Variants in SP4 observed in about 807,000 individuals in gnomAD.
The protein encoded by SP4 is Sp4 transcription factor.
In SP4, 19 loss-of-function variants were observed where a neutral mutation model predicts 72.8. That is an observed-to-expected ratio of 0.26 (90% CI 0.18 to 0.38). The LOEUF (loss-of-function observed/expected upper bound fraction) is 0.38. Among genes scored for constraint, SP4 ranks in the 10% least tolerant of loss-of-function variants. The pLI, the probability that SP4 is intolerant of heterozygous loss-of-function variation, is 1.00. For missense variants in SP4, 1,008 were observed against 926.3 expected, an observed-to-expected ratio of 1.09 and a Z score of -1.14; for synonymous variants, 395 against 333.1, an observed-to-expected ratio of 1.19 and a Z score of -2.02.
intron 5 of SP4, among the ~76,000 whole-genome samples, chr7:21,491,546 C>G (rs1245501232): frequency 6.6e-6 from 1 of 152,096 alleles, no homozygotes; most frequent in African/African-American, 2.4e-5. Context: ...ATAATAGGTT[C>G]AGGAAGTTCG....
rs751392063 is a variant in SP4, at chr7:21,430,090, A to G, written c.925A>G (p.Thr309Ala). The G allele has an allele frequency of 2.4e-5, 38 of 1,614,020 alleles. No homozygotes were observed. Among genetic ancestry groups the G allele is most frequent in the Non-Finnish European group, 2.8e-5 (33 of 1,180,052 alleles). Reference sequence around the variant, plus strand: ...AGTTTCCACACCCACCAACACCACTACTTCTGCCAGTACTATGCCAGAATC... The same window carrying G: ...AGTTTCCACACCCACCAACACCACTGCTTCTGCCAGTACTATGCCAGAATC... ...QLVSTPTNTT[T>A]SASTMPESPS... Residue 309 changes from threonine to alanine, a missense_variant, in exon 3 of 6, where the codon ACT becomes GCT. This residue lies in a region of SP4 where 893 missense variants were observed against 743.3 expected (regional missense o/e 1.20). Coordinates refer to ENST00000222584, the MANE Select transcript of SP4 (RefSeq NM_003112.5).
chr7:21,447,410 C>G (rs929426159), intron 3 of SP4, among the ~76,000 whole-genome samples: 5 of 152,070 alleles, frequency 3.3e-5, no homozygotes, highest in Non-Finnish European at 4.4e-5. Flanking sequence ...TTAGTGTGCC[C>G]CAGGGACAGT....
At chr7:21,487,067 T>C (rs1034543813) in intron 5 of SP4, among the ~76,000 whole-genome samples, 27 of 152,346 alleles carry the variant, frequency 1.8e-4, no homozygotes, top group African/African-American at 6.5e-4. Flanking sequence ...ATGCAATCAT[T>C]TATTTACATT....
At chr7:21,428,815 A>C (rs971653184) in intron 2 of SP4, 23 bp downstream of exon 2, 13 of 1,531,642 alleles carry the variant, frequency 8.5e-6, no homozygotes, top group Middle Eastern at 1.7e-4. Context: ...AAATTAAAAA[A>C]ATTCATCACG....
intron 3 of SP4, among the ~76,000 whole-genome samples, chr7:21,473,596 A>G (rs996728164): frequency 1.1e-4 from 16 of 152,232 alleles, no homozygotes; most frequent in African/African-American, 3.4e-4. Context: ...AAACTAGGTG[A>G]TGATACAGTG....
chr7:21,474,516 G>A (rs1242755545), intron 3 of SP4, among the ~76,000 whole-genome samples: 1 of 152,210 alleles, frequency 6.6e-6, no homozygotes, highest in Non-Finnish European at 1.5e-5. Context: ...AGATTTTGTA[G>A]CCAAGGTCAT....
At chr7:21,495,248 CT>C (rs1785078783) in intron 5 of SP4, among the ~76,000 whole-genome samples, 1 of 152,004 alleles carries the variant, frequency 6.6e-6, no homozygotes, top group South Asian at 2.1e-4. Context: ...TTGATGAAAA[CT>C]AAAAACTTTT....
chr7:21,460,147 G>A (rs552450424), intron 3 of SP4, among the ~76,000 whole-genome samples: 9 of 152,218 alleles, frequency 5.9e-5, no homozygotes, highest in Non-Finnish European at 1.3e-4. Flanking sequence ...AAAAGATAGT[G>A]TGTCCGGAAT....
intron 5 of SP4, among the ~76,000 whole-genome samples, chr7:21,493,617 A>T (rs59227605): frequency 0.14 from 21,863 of 152,164 alleles, 2,110 homozygotes; most frequent in East Asian, 0.29. Context: ...ACTCCTTGAA[A>T]GATACAAGCT....
At position 21,512,023 on chromosome 7, in the gene SP4, T is replaced by C. The variant is rs1782156973; in HGVS notation, c.*754T>C. 6.6e-6 allele frequency: 1 copy of C among 152,624 alleles called. No homozygotes were observed. 9.5% of individuals were successfully genotyped at this position (152,624 alleles called of 1,614,324 possible). On this transcript the variant is annotated 3_prime_UTR_variant, in exon 6 of 6. Coordinates refer to ENST00000222584, the MANE Select transcript of SP4 (RefSeq NM_003112.5). ...AAAATGGTTAAAACAAAACTCATCA[T>C]AGCTTCAGAAAAATAAAATGAGGCA... is the stretch of plus-strand genomic sequence containing the variant.
intron 3 of SP4, among the ~76,000 whole-genome samples, chr7:21,432,649 G>A (rs1049123273): frequency 2.0e-5 from 3 of 152,138 alleles, no homozygotes; most frequent in African/African-American, 7.2e-5. Flanking sequence ...GTTTTGAATT[G>A]TGGGGGTCAA....
intron 5 of SP4, among the ~76,000 whole-genome samples, chr7:21,493,267 C>G (rs1261716408): frequency 1.3e-5 from 2 of 151,032 alleles, no homozygotes; most frequent in African/African-American, 2.4e-5. Flanking sequence ...ACAAAAATAT[C>G]TAGGAAATCC....
chr7:21,446,045 TAG>T (rs1783417488), intron 3 of SP4, among the ~76,000 whole-genome samples: 1 of 111,838 alleles, frequency 8.9e-6, no homozygotes, highest in Non-Finnish European at 2.0e-5. Context: ...CATATGTAGG[TAG>T]ATATATATGT....
intron 3 of SP4, among the ~76,000 whole-genome samples, chr7:21,433,958 G>GA (rs909643894): frequency 2.6e-5 from 4 of 151,650 alleles, no homozygotes; most frequent in Admixed American, 2.0e-4. Flanking sequence ...AAAAAAGAAA[G>GA]AAAAAAAAGA....
At chr7:21,448,875 A>G (rs930304257) in intron 3 of SP4, among the ~76,000 whole-genome samples, 1 of 152,232 alleles carries the variant, frequency 6.6e-6, no homozygotes, top group African/African-American at 2.4e-5. Flanking sequence ...GCCAATGGAA[A>G]TGAGACTCCT....
intron 5 of SP4, among the ~76,000 whole-genome samples, chr7:21,509,987 G>C (rs1008958474): frequency 6.6e-6 from 1 of 152,186 alleles, no homozygotes; most frequent in Non-Finnish European, 1.5e-5. Flanking sequence ...CAGGCAAAGA[G>C]AGAATAAGGA....
intron 3 of SP4, among the ~76,000 whole-genome samples, chr7:21,460,233 G>A (rs1783911855): frequency 6.6e-6 from 1 of 152,200 alleles, no homozygotes; most frequent in East Asian, 1.9e-4. Context: ...AGTTCTTAAA[G>A]GCGGCATGTC....
At chr7:21,460,576 G>T (rs111727875) in intron 3 of SP4, among the ~76,000 whole-genome samples, 14,351 of 152,118 alleles carry the variant, frequency 0.094, 1,415 homozygotes, top group East Asian at 0.28. Flanking sequence ...CTGCTGGCTC[G>T]GGCAGCCTGC....
intron 5 of SP4, among the ~76,000 whole-genome samples, chr7:21,486,055 T>G (rs1035418142): frequency 1.3e-5 from 2 of 152,046 alleles, no homozygotes; most frequent in African/African-American, 4.8e-5. Context: ...TTTCTCTTTC[T>G]GCTTAATTTG....
Sources: gnomAD v4.1 joint callset for allele counts (sites outside exome capture counted in the v4.1 genomes callset) on GRCh38, gnomAD v4.1.1 for gene constraint, gnomAD v4.1.1 regional missense constraint, MANE v1.5 for transcripts, NCBI Gene and HGNC (gene_info 2026-07-23, HGNC 2026-07-21) for gene names.